The following ADARB2 variants were observed in gnomAD, a reference collection of about 807,000 sequenced individuals.
The protein encoded by ADARB2 is adenosine deaminase RNA specific B2 (inactive), also known as inactive double-stranded RNA-specific editase B2.
A neutral mutation model predicts 62.2 loss-of-function variants in ADARB2; 25 were observed. The observed-to-expected ratio is 0.40, with a 90% confidence interval of 0.29 to 0.56. The LOEUF (loss-of-function observed/expected upper bound fraction) is 0.56, where lower values mean the gene tolerates loss of function less well. Ranked by LOEUF, ADARB2 falls within the 20% of genes least tolerant of loss-of-function variation. The pLI is 0.43. For synonymous variants in ADARB2, 572 were observed against 500.8 expected (o/e 1.14, Z -1.90); for missense variants, 1,071 against 1,077.4 (o/e 0.99, Z 0.08).
At chr10:1,215,420 GCA>G (rs994751376) in intron 7 of ADARB2, among the ~76,000 whole-genome samples, 22 of 152,366 alleles carry the variant, frequency 1.4e-4, no homozygotes, top group African/African-American at 5.3e-4. Context: ...AAGCCTCCAT[GCA>G]AGCATCAGAG....
intron 1 of ADARB2, among the ~76,000 whole-genome samples, chr10:1,415,196 G>A (rs1832791766): frequency 6.6e-6 from 1 of 151,708 alleles, no homozygotes; most frequent in Non-Finnish European, 1.5e-5. Context: ...TGGGTGAACA[G>A]ATGGTGGATG....
chr10:1,392,620 G>T (rs1243579151), intron 1 of ADARB2, among the ~76,000 whole-genome samples: 2 of 152,146 alleles, frequency 1.3e-5, no homozygotes, highest in Non-Finnish European at 2.9e-5. Flanking sequence ...AGGAACATGG[G>T]TTTTACAACG....
chr10:1,509,816 AG>A (rs1390438502), intron 1 of ADARB2, among the ~76,000 whole-genome samples: 18 of 152,202 alleles, frequency 1.2e-4, no homozygotes, highest in Non-Finnish European at 2.2e-4. Context: ...GAGCCTGGCT[AG>A]GGATCTTATC....
intron 3 of ADARB2, among the ~76,000 whole-genome samples, chr10:1,340,879 C>G (rs1458166615): frequency 6.6e-6 from 1 of 151,460 alleles, no homozygotes; most frequent in Non-Finnish European, 1.5e-5. Flanking sequence ...CACCAGAGAA[C>G]CACGCGCCCC....
intron 1 of ADARB2, among the ~76,000 whole-genome samples, chr10:1,433,164 T>C (rs1303107285): frequency 1.3e-5 from 2 of 152,158 alleles, no homozygotes; most frequent in Non-Finnish European, 2.9e-5. Context: ...AGAGGAGTCA[T>C]GCAAGGAAAG....
At chr10:1,675,905 C>T in intron 1 of ADARB2, 1 of 799,944 alleles carries the variant, frequency 1.3e-6, no homozygotes, top group Non-Finnish European at 1.5e-6. Context: ...GAGGAAGGGG[C>T]TGCAGAGGTC....
intron 1 of ADARB2, among the ~76,000 whole-genome samples, chr10:1,673,082 A>T (rs1336909534): frequency 6.6e-6 from 1 of 152,094 alleles, no homozygotes; most frequent in East Asian, 1.9e-4. Context: ...AATGGGCTTC[A>T]CCTCATTCCT....
intron 1 of ADARB2, among the ~76,000 whole-genome samples, chr10:1,716,263 G>A (rs1835015832): frequency 6.6e-6 from 1 of 152,250 alleles, no homozygotes; most frequent in African/African-American, 2.4e-5. Context: ...GCAGAAAGAT[G>A]CTTTAGACTC....
At chr10:1,421,301 G>A (rs1832851041) in intron 1 of ADARB2, among the ~76,000 whole-genome samples, 2 of 151,746 alleles carry the variant, frequency 1.3e-5, no homozygotes, top group South Asian at 4.2e-4. Flanking sequence ...AGGATCTGCA[G>A]GACCTAACCC....
chr10:1,511,281 C>G (rs1831933424), intron 1 of ADARB2, among the ~76,000 whole-genome samples: 1 of 152,172 alleles, frequency 6.6e-6, no homozygotes, highest in African/African-American at 2.4e-5. Context: ...ATCAGAATGC[C>G]TTTTTTGTTA....
At chr10:1,458,210 G>A (rs955812786) in intron 1 of ADARB2, among the ~76,000 whole-genome samples, 1 of 152,104 alleles carries the variant, frequency 6.6e-6, no homozygotes, top group Non-Finnish European at 1.5e-5. Context: ...GGAGGTCTCC[G>A]CAGGAAGAAC....
At chr10:1,512,293 A>G (rs1018644551) in intron 1 of ADARB2, among the ~76,000 whole-genome samples, 4 of 152,300 alleles carry the variant, frequency 2.6e-5, no homozygotes, top group Admixed American at 2.6e-4. Flanking sequence ...TAAGATGTCA[A>G]TGCTGTCTAC....
At chr10:1,696,313 T>C (rs1163978303) in intron 1 of ADARB2, among the ~76,000 whole-genome samples, 1 of 152,194 alleles carries the variant, frequency 6.6e-6, no homozygotes, top group Non-Finnish European at 1.5e-5. Flanking sequence ...TTTATATGTG[T>C]GCACGTGTGT....
At chr10:1,183,404 C>T (rs184398087) in intron 9 of ADARB2, 35 bp from the exon 10 acceptor site, 1 of 1,596,110 alleles carries the variant, frequency 6.3e-7, no homozygotes. Context: ...CAATCAGACA[C>T]CAGCAGAAAA....
intron 1 of ADARB2, among the ~76,000 whole-genome samples, chr10:1,517,061 C>A (rs1379187317): frequency 6.6e-6 from 1 of 152,188 alleles, no homozygotes; most frequent in African/African-American, 2.4e-5. Context: ...TGGCGTCAGG[C>A]CGCCTGCTCA....
intron 3 of ADARB2, among the ~76,000 whole-genome samples, chr10:1,305,897 A>T (rs376830086): frequency 4.0e-5 from 6 of 150,696 alleles, no homozygotes; most frequent in Admixed American, 6.6e-5. Flanking sequence ...TTGATGGGAC[A>T]TATTTCAAAA....
chr10:1,684,170 A>G (rs1342642663), intron 1 of ADARB2, among the ~76,000 whole-genome samples: 1 of 152,260 alleles, frequency 6.6e-6, no homozygotes, highest in Non-Finnish European at 1.5e-5. Context: ...CCAAGGTGTT[A>G]AGTCCAAAAT....
intron 3 of ADARB2, among the ~76,000 whole-genome samples, chr10:1,305,385 G>A (rs1007923968): frequency 9.9e-5 from 15 of 152,066 alleles, no homozygotes; most frequent in African/African-American, 3.6e-4. Context: ...ACCAGTAACA[G>A]GATCTGAAAT....
chr10:1,543,993 G>A (rs1301029122), intron 1 of ADARB2, among the ~76,000 whole-genome samples: 1 of 101,334 alleles, frequency 9.9e-6, no homozygotes, highest in Non-Finnish European at 1.9e-5. Flanking sequence ...AGAATGGCAG[G>A]TGACCAAAAA....
Sources: gnomAD v4.1 joint callset for allele counts (sites outside exome capture counted in the v4.1 genomes callset) on GRCh38, gnomAD v4.1.1 for gene constraint, MANE v1.5 for transcripts, NCBI Gene and HGNC (gene_info 2026-07-23, HGNC 2026-07-21) for gene names.